SVOPL: variants seen among roughly 807,000 people sequenced by gnomAD.
SVOPL encodes putative transporter SVOPL.
A neutral mutation model predicts 61.0 loss-of-function variants in SVOPL; 60 were observed. The observed-to-expected ratio is 0.98, with a 90% CI of 0.80 to 1.22. The LOEUF (loss-of-function observed/expected upper bound fraction) is 1.22, where lower values mean the gene tolerates loss of function less well. Ranked by LOEUF, SVOPL falls within the 50% of genes most tolerant of loss-of-function variation. The pLI, the probability that SVOPL is intolerant of heterozygous loss-of-function variation, is 0.00. For synonymous variants in SVOPL, 279 were observed against 250.0 expected (o/e 1.12, Z -1.09); for missense variants, 662 against 643.9 (o/e 1.03, Z -0.30).
At chr7:138,689,856 C>CAAAA (rs71520015) in intron 1 of SVOPL, among the ~76,000 whole-genome samples, 17 of 106,542 alleles carry the variant, frequency 1.6e-4, no homozygotes, top group African/African-American at 4.8e-4. Flanking sequence ...GACTCCGTCT[C>CAAAA]AAAAAAAAAA....
chr7:138,621,918 GTATCTATCTATGTATC>G (rs1563095718), intron 13 of SVOPL, among the ~76,000 whole-genome samples: 8 of 18,562 alleles, frequency 4.3e-4, no homozygotes, highest in Admixed American at 8.2e-4. Context: ...ATCTATCTAT[GTATCTATCTATGTATC>G]TATCTATCTA....
At chr7:138,665,941 C>T (rs1802245237) in intron 4 of SVOPL, among the ~76,000 whole-genome samples, 1 of 152,176 alleles carries the variant, frequency 6.6e-6, no homozygotes, top group South Asian at 2.1e-4. Context: ...CAGCCTTGCA[C>T]AAAGACCACT....
chr7:138,610,653 G>A (rs1319635921), intron 14 of SVOPL, among the ~76,000 whole-genome samples: 1 of 152,148 alleles, frequency 6.6e-6, no homozygotes, highest in Admixed American at 6.5e-5. Flanking sequence ...CCCTAGCCCA[G>A]CTCCTATGAG....
In SVOPL at chr7:138,656,900, G is replaced by A. The variant is rs1021678294; in HGVS notation, c.471-389C>T. ...TCTACTAAAAATACAAAATTAGCTG[G>A]GTGTGGTGGCGCATGCCTGTAGTCC... On this transcript the variant is annotated intron_variant, in intron 6 of 15. Coordinates refer to ENST00000674285, the MANE Select transcript of SVOPL (RefSeq NM_001139456.2). Among the ~76,000 whole-genome samples the A allele has an allele frequency of 1.9e-4, 28 of 148,062 alleles. No individual in the cohort carries two copies. In the East Asian group the frequency reaches 4.6e-3, roughly 25 times the overall value.
chr7:138,641,827 TATATATAAC>T (rs1488240940), intron 9 of SVOPL, among the ~76,000 whole-genome samples: 99 of 140,356 alleles, frequency 7.1e-4, no homozygotes, highest in African/African-American at 2.5e-3. Flanking sequence ...TATATATATA[TATATATAAC>T]ATATATATAT....
intron 1 of SVOPL, among the ~76,000 whole-genome samples, chr7:138,688,574 C>G (rs1183500356): frequency 1.3e-5 from 2 of 152,024 alleles, no homozygotes; most frequent in Non-Finnish European, 2.9e-5. Context: ...CCAGCCAGAT[C>G]CCTAAAATTA....
intron 6 of SVOPL, 83 bp downstream of exon 6, chr7:138,659,781 G>A: frequency 4.6e-6 from 6 of 1,292,252 alleles, no homozygotes; most frequent in Non-Finnish European, 6.4e-6. Context: ...CAATGCTTTT[G>A]GTCTATTAAG....
Position 138,629,125 on chromosome 7 carries a change from A to ATGTGTG in SVOPL, c.864-763_864-762insCACACA, listed in dbSNP as rs1159184418. Reference sequence around the variant, plus strand: ...TGTCTAATATATAAGCATGTTTTATATATGTGTGTGTGTGTGTGTGTGTGT... The same window carrying ATGTGTG: ...TGTCTAATATATAAGCATGTTTTATATGTGTGTATGTGTGTGTGTGTGTGTGTGTGT... On this transcript the variant is annotated intron_variant, in intron 10 of 15. Coordinates refer to ENST00000674285, the MANE Select transcript of SVOPL (RefSeq NM_001139456.2). Among the ~76,000 whole-genome samples the ATGTGTG allele has an allele frequency of 9.8e-3, 627 of 64,232 alleles. 1 individual carries two copies. The highest frequency in any genetic ancestry group is 0.049 in the African/African-American group (598 of 12,258). 42.1% of individuals were successfully genotyped at this position (64,232 alleles called of 152,430 possible). A position where few individuals can be genotyped will look rare whatever the true frequency, so the allele number is the denominator to read the frequency against.
intron 14 of SVOPL, among the ~76,000 whole-genome samples, chr7:138,609,562 G>A (rs193135826): frequency 1.3e-5 from 2 of 151,806 alleles, no homozygotes; most frequent in Non-Finnish European, 1.5e-5. Flanking sequence ...AGGAGACTGA[G>A]ATAGGAGGAT....
intron 3 of SVOPL, among the ~76,000 whole-genome samples, chr7:138,676,352 C>A (rs1406073315): frequency 6.6e-6 from 1 of 152,208 alleles, no homozygotes; most frequent in Non-Finnish European, 1.5e-5. Flanking sequence ...TTCATTTTCT[C>A]ACAGTTCTGC....
At chr7:138,643,952 C>T (rs1487750705) in intron 9 of SVOPL, among the ~76,000 whole-genome samples, 11 of 151,736 alleles carry the variant, frequency 7.2e-5, no homozygotes, top group Non-Finnish European at 8.8e-5. Flanking sequence ...GCCTATAATC[C>T]CAGCACTTTG....
At chr7:138,622,096 A>G (rs903648718) in intron 13 of SVOPL, among the ~76,000 whole-genome samples, 2 of 113,208 alleles carry the variant, frequency 1.8e-5, no homozygotes, top group Non-Finnish European at 4.1e-5. Flanking sequence ...CTATGTATCT[A>G]TCTATCTATC....
chr7:138,673,236 G>A (rs1802475364), intron 3 of SVOPL, among the ~76,000 whole-genome samples: 1 of 152,204 alleles, frequency 6.6e-6, no homozygotes, highest in Admixed American at 6.5e-5. Flanking sequence ...GCCAGCGTGT[G>A]GGACTTTGAA....
At chr7:138,670,862 A>C (rs1424309590) in intron 4 of SVOPL, among the ~76,000 whole-genome samples, 1 of 152,100 alleles carries the variant, frequency 6.6e-6, no homozygotes, top group African/African-American at 2.4e-5. Flanking sequence ...TCCTTCCCTG[A>C]AGCCTTCCAA....
In SVOPL at chr7:138,681,308, G is replaced by A. The variant is rs185751087; in HGVS notation, c.-34-2229C>T. ...AATTTTGAACTGGAAATAGAAATACGAGATTATTATATAACATATAATATT... is the reference window on the plus strand; with the variant it reads ...AATTTTGAACTGGAAATAGAAATACAAGATTATTATATAACATATAATATT... On this transcript the variant is annotated intron_variant, in intron 1 of 15. Transcript: ENST00000674285. Among the ~76,000 whole-genome samples the A allele has an allele frequency of 4.4e-3, 651 of 147,416 alleles. 4 individuals are homozygous for A. The highest frequency in any genetic ancestry group is 0.014 in the Admixed American group (204 of 14,660).
chr7:138,622,266 C>CTATCTATG (rs1799693524), intron 13 of SVOPL, among the ~76,000 whole-genome samples: 1 of 86,860 alleles, frequency 1.2e-5, no homozygotes, highest in Admixed American at 1.2e-4. Flanking sequence ...ATCTATCTAT[C>CTATCTATG]TATGTATCTA....
At chr7:138,639,260 AT>A (rs1335745011) in intron 9 of SVOPL, among the ~76,000 whole-genome samples, 2 of 152,098 alleles carry the variant, frequency 1.3e-5, no homozygotes, top group African/African-American at 4.8e-5. Context: ...GTCTCAAAAA[AT>A]ATATAAATAA....
chr7:138,632,773 T>C (rs1374593249), intron 9 of SVOPL, among the ~76,000 whole-genome samples: 1 of 151,840 alleles, frequency 6.6e-6, no homozygotes, highest in East Asian at 1.9e-4. Context: ...AGAGAGAGCT[T>C]ATTTCTGACC....
intron 14 of SVOPL, among the ~76,000 whole-genome samples, chr7:138,604,362 C>G (rs1798659561): frequency 6.6e-6 from 1 of 152,008 alleles, no homozygotes; most frequent in Non-Finnish European, 1.5e-5. Context: ...GACTGTAAAT[C>G]TTGTTAATAT....
Sources: allele counts gnomAD v4.1 joint callset (sites outside exome capture counted in the v4.1 genomes callset), GRCh38; gene constraint gnomAD v4.1.1; transcripts MANE v1.5; gene names NCBI Gene and HGNC (gene_info 2026-07-23, HGNC 2026-07-21).